CHN2: variants seen among roughly 807,000 people sequenced by gnomAD.
The protein encoded by CHN2 is chimerin 2.
Under a neutral mutation model 56.3 loss-of-function variants are expected in CHN2, and 35 were observed. The observed-to-expected ratio is 0.62, with a 90% confidence interval of 0.47 to 0.82. The LOEUF is 0.82. CHN2 is among the 40% of genes least tolerant of loss of function. CHN2 has a pLI of 0.00. For synonymous variants in CHN2, 210 were observed against 212.8 expected, an observed-to-expected ratio of 0.99 and a Z score of 0.12; for missense variants, 491 against 580.5, an observed-to-expected ratio of 0.85 and a Z score of 1.58.
At chr7:29,461,018 C>A (rs186739439) in intron 6 of CHN2, among the ~76,000 whole-genome samples, 2 of 152,284 alleles carry the variant, frequency 1.3e-5, no homozygotes, top group Non-Finnish European at 2.9e-5. Flanking sequence ...CTACTTTGTG[C>A]TGTGTAGCAT....
chr7:29,493,744 C>T (rs1486836603), intron 7 of CHN2, among the ~76,000 whole-genome samples: 2 of 152,140 alleles, frequency 1.3e-5, no homozygotes, highest in African/African-American at 2.4e-5. Context: ...TTCCACTTTC[C>T]ATCTCCACTG....
At chr7:29,479,839 C>G in intron 6 of CHN2, 1 of 1,308,516 alleles carries the variant, frequency 7.6e-7, no homozygotes, top group Non-Finnish European at 9.8e-7. Flanking sequence ...GATACCGCTT[C>G]TGGGGGTTGC....
intron 1 of CHN2, among the ~76,000 whole-genome samples, chr7:29,204,961 G>A (rs1459952783): frequency 6.6e-6 from 1 of 152,222 alleles, no homozygotes; most frequent in Admixed American, 6.5e-5. Flanking sequence ...GTTAAACGAT[G>A]TCATCTGGGT....
intron 6 of CHN2, among the ~76,000 whole-genome samples, chr7:29,454,374 C>T (rs988542423): frequency 3.3e-5 from 5 of 152,102 alleles, no homozygotes; most frequent in African/African-American, 9.7e-5. Context: ...AGTATGGCTA[C>T]AATACCAGGA....
intron 6 of CHN2, among the ~76,000 whole-genome samples, chr7:29,426,856 G>A (rs1260517601): frequency 6.6e-6 from 1 of 152,116 alleles, no homozygotes; most frequent in Non-Finnish European, 1.5e-5. Context: ...TTCCTTGCTG[G>A]CTGTCCGCTG....
At chr7:29,377,089 A>G (rs967098090) in intron 3 of CHN2, among the ~76,000 whole-genome samples, 1 of 152,146 alleles carries the variant, frequency 6.6e-6, no homozygotes, top group African/African-American at 2.4e-5. Flanking sequence ...GTGTAGTAGC[A>G]TGATCTCGGC....
intron 1 of CHN2, among the ~76,000 whole-genome samples, chr7:29,247,704 C>G (rs555993992): frequency 6.6e-6 from 1 of 152,242 alleles, no homozygotes; most frequent in African/African-American, 2.4e-5. Flanking sequence ...TCACAGCCAG[C>G]CTTGACCTTG....
At chr7:29,204,451 A>G (rs986708260) in intron 1 of CHN2, among the ~76,000 whole-genome samples, 2 of 152,198 alleles carry the variant, frequency 1.3e-5, no homozygotes, top group Non-Finnish European at 2.9e-5. Context: ...TTATTACAAA[A>G]AAATAACCAT....
chr7:29,325,504 G>T (rs907176757), intron 1 of CHN2, among the ~76,000 whole-genome samples: 9 of 152,154 alleles, frequency 5.9e-5, no homozygotes, highest in African/African-American at 2.2e-4. Flanking sequence ...ATTGTCTCAG[G>T]CCTTCTTTGA....
intron 1 of CHN2, among the ~76,000 whole-genome samples, chr7:29,337,385 A>C (rs1796709752): frequency 6.6e-6 from 1 of 152,208 alleles, no homozygotes; most frequent in African/African-American, 2.4e-5. Flanking sequence ...CAAATGTCCC[A>C]CTGTGCAAAC....
chr7:29,164,543 G>A (rs994947847), intron 2 of CHN2, among the ~76,000 whole-genome samples: 8 of 151,750 alleles, frequency 5.3e-5, no homozygotes, highest in African/African-American at 9.7e-5. Flanking sequence ...CCAGCACTTC[G>A]GGGGGCTGAG....
intron 2 of CHN2, among the ~76,000 whole-genome samples, chr7:29,157,503 G>A (rs567189113): frequency 6.6e-6 from 1 of 152,262 alleles, no homozygotes; most frequent in East Asian, 1.9e-4. Context: ...CTCTTTCATG[G>A]ACCCTTCATT....
At chr7:29,488,048 A>T (rs185138164) in intron 7 of CHN2, among the ~76,000 whole-genome samples, 69 of 152,352 alleles carry the variant, frequency 4.5e-4, no homozygotes, top group Middle Eastern at 3.4e-3. Flanking sequence ...TCAATATTTT[A>T]GAAATGCAAT....
chr7:29,323,156 C>A (rs867056226), intron 1 of CHN2, among the ~76,000 whole-genome samples: 2 of 151,090 alleles, frequency 1.3e-5, no homozygotes, highest in Non-Finnish European at 2.9e-5. Flanking sequence ...TCCGTCCCCC[C>A]CGTTCCCCCC....
At chr7:29,288,474 C>T (rs1007660175) in intron 1 of CHN2, among the ~76,000 whole-genome samples, 1 of 152,180 alleles carries the variant, frequency 6.6e-6, no homozygotes, top group Non-Finnish European at 1.5e-5. Flanking sequence ...TTTAGGGTTA[C>T]TCCCATCTCT....
Position 29,479,657 on chromosome 7 carries a change from T to C in CHN2, c.577-622T>C, listed in dbSNP as rs1358993720. 4 of 1,028,022 alleles carry C rather than the reference T, an allele frequency of 3.9e-6. No individual in the cohort carries two copies. The South Asian group carries it at 1.2e-4, about 30-fold the overall frequency. The allele number at this position is 1,028,022 out of a possible 1,614,324, so 63.7% of individuals were successfully genotyped here. On this transcript the variant is annotated intron_variant, in intron 6 of 12. Transcript: ENST00000222792. Reference sequence around the variant, plus strand: ...GATGGGGTTCAGAGCCCCAGATTAATTGGATGCAGCCTCAGACTTTGAACG... The same window carrying C: ...GATGGGGTTCAGAGCCCCAGATTAACTGGATGCAGCCTCAGACTTTGAACG...
intron 1 of CHN2, among the ~76,000 whole-genome samples, chr7:29,219,846 T>G (rs1156902467): frequency 2.0e-5 from 3 of 152,014 alleles, no homozygotes; most frequent in Non-Finnish European, 4.4e-5. Context: ...GGAGGCGAGG[T>G]GGGCGGATCA....
chr7:29,455,392 C>T (rs1784675693), intron 6 of CHN2, among the ~76,000 whole-genome samples: 1 of 152,148 alleles, frequency 6.6e-6, no homozygotes, highest in Non-Finnish European at 1.5e-5. Context: ...CCTGAGAGAT[C>T]AGCTAGTCGC....
intron 7 of CHN2, among the ~76,000 whole-genome samples, chr7:29,493,757 A>C (rs1359670451): frequency 1.3e-5 from 2 of 152,196 alleles, no homozygotes; most frequent in Non-Finnish European, 1.5e-5. Flanking sequence ...CTCCACTGCC[A>C]GCATCCAGGT....
Sources: allele counts gnomAD v4.1 joint callset (sites outside exome capture counted in the v4.1 genomes callset), GRCh38; gene constraint gnomAD v4.1.1; transcripts MANE v1.5; gene names NCBI Gene and HGNC (gene_info 2026-07-23, HGNC 2026-07-21).